The following TLL1 variants were observed in gnomAD, a reference collection of about 807,000 sequenced individuals.
TLL1 encodes tolloid like 1.
Under a neutral mutation model 128.2 loss-of-function variants are expected in TLL1, and 49 were observed. That is an observed-to-expected ratio of 0.38 (90% CI 0.30 to 0.48). TLL1 has a LOEUF of 0.48. Among genes scored for constraint, TLL1 ranks in the 20% least tolerant of loss-of-function variants. The probability of loss-of-function intolerance (pLI) is 0.96; values close to 1 mark genes in which losing one functional copy is unlikely to be tolerated. For synonymous variants in TLL1, 454 were observed against 418.8 expected (o/e 1.08, Z -1.03); for missense variants, 1,123 against 1,242.0 (o/e 0.90, Z 1.44).
intron 1 of TLL1, among the ~76,000 whole-genome samples, chr4:165,889,186 A>C (rs13135355): frequency 0.5 from 75,710 of 152,026 alleles, 20,259 homozygotes; most frequent in East Asian, 0.87. Flanking sequence ...ATCATCAGGG[A>C]ACTTTGTTAC....
At chr4:165,949,362 C>A (rs2110936912) in intron 1 of TLL1, among the ~76,000 whole-genome samples, 1 of 152,214 alleles carries the variant, frequency 6.6e-6, no homozygotes, top group South Asian at 2.1e-4. Context: ...CTACTAATAC[C>A]TTGATTTCAG....
chr4:165,919,835 C>A (rs1344158928), intron 1 of TLL1: 4 of 456,066 alleles, frequency 8.8e-6, no homozygotes, highest in Non-Finnish European at 1.8e-5. Flanking sequence ...TACTTCCAGA[C>A]TGACCACTGC....
intron 1 of TLL1, among the ~76,000 whole-genome samples, chr4:165,968,994 T>A (rs1735517969): frequency 6.6e-6 from 1 of 152,170 alleles, no homozygotes; most frequent in African/African-American, 2.4e-5. Context: ...CTGGGAAAAA[T>A]TGAATTTCAC....
intron 1 of TLL1, among the ~76,000 whole-genome samples, chr4:165,894,113 CA>C (rs779676834): frequency 6.6e-6 from 1 of 151,998 alleles, no homozygotes; most frequent in Non-Finnish European, 1.5e-5. Flanking sequence ...TAGATTGGAG[CA>C]GGGGAGGACA....
rs543081143 is a variant in TLL1 at position 165,911,548 on chromosome 4, A to G, written c.169+37475A>G. Among the ~76,000 whole-genome samples the G allele has an allele frequency of 2.0e-5, 3 of 152,276 alleles. No homozygotes were observed. The East Asian group carries it at 5.8e-4, about 29-fold the overall frequency. On this transcript the variant is annotated intron_variant, in intron 1 of 20. Coordinates refer to ENST00000061240, the MANE Select transcript of TLL1 (RefSeq NM_012464.5). ...GTCTCAGTCTTTTTGGTGGTAAACG[A>G]CTTCCTTGATATAGGAAAGCAGTGA... is the stretch of plus-strand genomic sequence containing the variant.
rs145057403 is a variant in TLL1 at position 165,878,029 on chromosome 4, T to C, written c.169+3956T>C. On this transcript the variant is annotated intron_variant, in intron 1 of 20. Transcript: ENST00000061240. ...GTCCAAAAACCTAGAAATAGGCTTTTGGCATTTTAGAAAACTATTTCTGCT... is the reference window on the plus strand; with the variant it reads ...GTCCAAAAACCTAGAAATAGGCTTTCGGCATTTTAGAAAACTATTTCTGCT... Among the ~76,000 whole-genome samples the C allele has an allele frequency of 8.5e-3, 1,296 of 152,238 alleles. 21 individuals are homozygous for C. The highest frequency in any genetic ancestry group is 0.03 in the African/African-American group (1,228 of 41,532).
At chr4:165,977,572 G>A (rs775132187) in intron 1 of TLL1, among the ~76,000 whole-genome samples, 18 of 151,956 alleles carry the variant, frequency 1.2e-4, no homozygotes, top group Non-Finnish European at 2.1e-4. Flanking sequence ...TGCTTAAATT[G>A]GACTCAGAAG....
In TLL1 at chr4:165,971,890, T is replaced by C. The variant is rs573484543; in HGVS notation, c.170-17491T>C. Reference sequence around the variant, plus strand: ...GACTTTGTAATGTTAGCTCTCTGGGTTCCAGAAAAATTACAGTTTTGTCAG... The same window carrying C: ...GACTTTGTAATGTTAGCTCTCTGGGCTCCAGAAAAATTACAGTTTTGTCAG... On this transcript the variant is annotated intron_variant, in intron 1 of 20. Coordinates refer to ENST00000061240, the MANE Select transcript of TLL1 (RefSeq NM_012464.5). Among the ~76,000 whole-genome samples the C allele has an allele frequency of 4.5e-4, 69 of 152,314 alleles. No individual in the cohort carries two copies. In the South Asian group the frequency reaches 0.014, roughly 31 times the overall value.
chr4:166,089,835 T>C (rs1280325892), intron 18 of TLL1, among the ~76,000 whole-genome samples: 4 of 152,112 alleles, frequency 2.6e-5, no homozygotes, highest in South Asian at 4.1e-4. Flanking sequence ...CAGCTTTTTT[T>C]CCCCCTTTTC....
intron 1 of TLL1, among the ~76,000 whole-genome samples, chr4:165,950,157 G>A (rs2110938282): frequency 6.6e-6 from 1 of 152,038 alleles, no homozygotes; most frequent in East Asian, 1.9e-4. Context: ...TTCAGAACCA[G>A]GATAATTACC....
At chr4:165,899,811 T>C (rs1318111992) in intron 1 of TLL1, among the ~76,000 whole-genome samples, 1 of 152,196 alleles carries the variant, frequency 6.6e-6, no homozygotes, top group African/African-American at 2.4e-5. Context: ...TGTCTAATAT[T>C]GACAGTGGGT....
intron 14 of TLL1, among the ~76,000 whole-genome samples, chr4:166,057,762 C>T (rs1740099455): frequency 6.6e-6 from 1 of 152,112 alleles, no homozygotes; most frequent in Non-Finnish European, 1.5e-5. Context: ...GTGCAGGGGA[C>T]TCCTTTTTGT....
rs375135985 is a variant in TLL1 at position 166,003,444 on chromosome 4, G to T, written c.686G>T (p.Gly229Val). 1 of 1,613,956 alleles carries T rather than the reference G, an allele frequency of 6.2e-7. No homozygotes were observed. Among genetic ancestry groups the T allele is most frequent in the Non-Finnish European group, 8.5e-7 (1 of 1,179,952 alleles). ...RGNGPQAISI[G>V]KNCDKFGIVV... ...AATGGACCTCAGGCAATCTCTATCG[G>T]CAAGAACTGTGATAAATTTGGGATT... Residue 229 changes from glycine to valine, a missense_variant, in exon 6 of 21, where the codon GGC (glycine) becomes GTC (valine). Gly to Val is a moderately radical substitution (Grantham distance 109, BLOSUM62 -3). Transcript: ENST00000061240.
intron 12 of TLL1, among the ~76,000 whole-genome samples, chr4:166,053,614 CTA>C (rs1037036210): frequency 6.6e-6 from 1 of 152,044 alleles, no homozygotes; most frequent in Non-Finnish European, 1.5e-5. Flanking sequence ...CATTTGAAGA[CTA>C]TTATTGTTAG....
At position 166,007,969 on chromosome 4, in the gene TLL1, G is replaced by A; in HGVS notation, c.838G>A (p.Glu280Lys). The change falls in exon 7 of 21, where the codon GAG becomes AAG. Residue 280 changes from glutamate (E) to lysine (K), a missense_variant. Coordinates refer to ENST00000061240, the MANE Select transcript of TLL1 (RefSeq NM_012464.5). Reference protein sequence around the residue: ...PGQEYNFLKMEPGEVNSLGER... With the variant: ...PGQEYNFLKMKPGEVNSLGER... ...TCAAGAGTACAATTTTCTGAAGATG[G>A]AGCCTGGAGAAGTAAACTCACTTGG... 3.1e-6 allele frequency: 5 copies of A among 1,609,512 alleles called. No homozygotes were observed. The South Asian group carries it at 4.4e-5, about 14-fold the overall frequency.
intron 1 of TLL1, among the ~76,000 whole-genome samples, chr4:165,955,553 G>A (rs747066333): frequency 1.3e-5 from 2 of 152,032 alleles, no homozygotes; most frequent in African/African-American, 2.4e-5. Flanking sequence ...AAAGGGGCAG[G>A]CCATTTACAA....
rs565014764 is a variant in TLL1 at position 165,954,731 on chromosome 4, T to G, written c.170-34650T>G. Among the ~76,000 whole-genome samples the G allele has an allele frequency of 8.5e-5, 13 of 152,096 alleles. No individual in the cohort carries two copies. The South Asian group carries it at 2.7e-3, about 32-fold the overall frequency. ...CTCTGAAAGCACCCAGAAACAAAGGTAATTGACTGCACTCAATATAAACTA... is the reference window on the plus strand; with the variant it reads ...CTCTGAAAGCACCCAGAAACAAAGGGAATTGACTGCACTCAATATAAACTA... On this transcript the variant is annotated intron_variant, in intron 1 of 20. Coordinates refer to ENST00000061240, the MANE Select transcript of TLL1 (RefSeq NM_012464.5).
At chr4:165,909,461 G>C (rs1732424068) in intron 1 of TLL1, among the ~76,000 whole-genome samples, 1 of 152,150 alleles carries the variant, frequency 6.6e-6, no homozygotes, top group Non-Finnish European at 1.5e-5. Context: ...GCATCACTAG[G>C]GGAATGATTG....
chr4:166,081,745 T>G (rs1448801545), intron 18 of TLL1, among the ~76,000 whole-genome samples: 3 of 152,030 alleles, frequency 2.0e-5, no homozygotes, highest in Admixed American at 2.0e-4. Context: ...GTTGTTATTT[T>G]TTTTTTTTTA....
Sources: allele counts gnomAD v4.1 joint callset (sites outside exome capture counted in the v4.1 genomes callset), GRCh38; gene constraint gnomAD v4.1.1; transcripts MANE v1.5; gene names NCBI Gene and HGNC (gene_info 2026-07-23, HGNC 2026-07-21).